FNIP1: variants seen among roughly 807,000 people sequenced by gnomAD.
FNIP1 encodes folliculin-interacting protein 1.
In FNIP1, 40 loss-of-function variants were observed where a neutral mutation model predicts 124.5. The observed-to-expected ratio is 0.32, with a 90% CI of 0.25 to 0.42. The LOEUF is 0.42. FNIP1 is among the 10% of genes least tolerant of loss of function. FNIP1 has a pLI of 1.00. For missense variants in FNIP1, 1,176 were observed against 1,403.7 expected, an observed-to-expected ratio of 0.84 and a Z score of 2.59; for synonymous variants, 472 against 470.6, an observed-to-expected ratio of 1.00 and a Z score of -0.04.
chr5:131,734,660 C>A (rs1770224376), intron 2 of FNIP1, among the ~76,000 whole-genome samples: 2 of 152,136 alleles, frequency 1.3e-5, no homozygotes, highest in African/African-American at 4.8e-5. Context: ...AGGATATGAA[C>A]AGACACCTCT....
intron 11 of FNIP1, among the ~76,000 whole-genome samples, chr5:131,693,280 T>TA (rs1455507313): frequency 8.8e-6 from 1 of 113,190 alleles, no homozygotes; most frequent in Admixed American, 9.4e-5. Flanking sequence ...AAAAGCATGG[T>TA]AATAGCTAAA....
In FNIP1 at chr5:131,651,904, C is replaced by T. The variant is rs1174167325; in HGVS notation, c.3204G>A (p.Val1068=). Residue 1068 remains valine (V), a synonymous_variant, in exon 16 of 18, where the codon GTG becomes GTA. Transcript: ENST00000510461. ...CTTCCTTTCCCAATTTATTATCTGT[C>T]ACTCGTCTCTGGCTACTGGCCACTT... The part of the protein sequence containing the change: ...TVQVASSQRR[V]TDNKLGKEVL... 2.5e-6 allele frequency: 4 copies of T among 1,614,062 alleles called. No homozygotes were observed. In the African/African-American group the frequency reaches 5.3e-5, roughly 22 times the overall value.
chr5:131,708,268 C>A (rs1010313067), intron 8 of FNIP1, among the ~76,000 whole-genome samples: 2 of 152,156 alleles, frequency 1.3e-5, no homozygotes, highest in African/African-American at 4.8e-5. Context: ...CAATATACAG[C>A]AAGTTTAGAT....
At chr5:131,694,804 G>C (rs1768633986) in intron 11 of FNIP1, among the ~76,000 whole-genome samples, 1 of 151,910 alleles carries the variant, frequency 6.6e-6, no homozygotes, top group Non-Finnish European at 1.5e-5. Context: ...TCATACTAAT[G>C]CAATACATTA....
At chr5:131,689,394 A>G (rs1242120628) in intron 11 of FNIP1, among the ~76,000 whole-genome samples, 1 of 152,214 alleles carries the variant, frequency 6.6e-6, no homozygotes, top group East Asian at 1.9e-4. Flanking sequence ...TAAATGTAAA[A>G]TAAAGTCTTT....
chr5:131,766,058 T>C (rs1017507156), intron 1 of FNIP1, among the ~76,000 whole-genome samples: 3 of 152,152 alleles, frequency 2.0e-5, no homozygotes, highest in Admixed American at 2.0e-4. Context: ...TTTTTCTAAG[T>C]CTGCAGATTA....
rs1036687893 is a variant in FNIP1 at position 131,644,474 on chromosome 5, G to T, written c.*211C>A. On this transcript the variant is annotated 3_prime_UTR_variant, in exon 18 of 18. Coordinates refer to ENST00000510461, the MANE Select transcript of FNIP1 (RefSeq NM_133372.3). ...AATTATTGTTGCTTTAATTTCATTTGTTTAAAAATCTACCACCACCCAAAA... is the reference window on the plus strand; with the variant it reads ...AATTATTGTTGCTTTAATTTCATTTTTTTAAAAATCTACCACCACCCAAAA... 5.1e-6 allele frequency: 2 copies of T among 395,418 alleles called. No individual in the cohort carries two copies. The highest frequency in any genetic ancestry group is 4.5e-6 in the Non-Finnish European group (1 of 219,826). 24.5% of individuals were successfully genotyped at this position (395,418 alleles called of 1,614,324 possible). A position where few individuals can be genotyped will look rare whatever the true frequency, so the allele number is the denominator to read the frequency against.
At position 131,796,869 on chromosome 5, in the gene FNIP1, G is replaced by A. The variant is rs1772627476; in HGVS notation, c.53C>T (p.Ala18Val). The change falls in exon 1 of 18, where the codon GCG (alanine) becomes GTG (valine). Residue 18 changes from alanine (A) to valine (V), a missense_variant. By Grantham distance (64) the Ala-to-Val change is moderately conservative. Coordinates refer to ENST00000510461, the MANE Select transcript of FNIP1 (RefSeq NM_133372.3). ...KLFSKRTGLG[A>V]PGRDARDPDC... ...TGGGTCCCGGGCGTCGCGGCCGGGC[G>A]CGCCCAGCCCGGTCCTCTTGCTGAA... 6 of 1,607,738 alleles carry A rather than the reference G, an allele frequency of 3.7e-6. No homozygotes were observed. Among genetic ancestry groups the A allele is most frequent in the Non-Finnish European group, 5.1e-6 (6 of 1,177,816 alleles).
At chr5:131,737,379 C>T (rs1770348610) in intron 2 of FNIP1, among the ~76,000 whole-genome samples, 1 of 152,126 alleles carries the variant, frequency 6.6e-6, no homozygotes, top group African/African-American at 2.4e-5. Flanking sequence ...TGTTTTTATG[C>T]TTTAGTCCTG....
At position 131,709,227 on chromosome 5, in the gene FNIP1, T is replaced by C; in HGVS notation, c.752A>G (p.Asp251Gly). The change falls in exon 8 of 18, where the codon GAC becomes GGC. Residue 251 changes from aspartate to glycine, a missense_variant. Asp to Gly is a moderately conservative substitution (Grantham distance 94, BLOSUM62 -1). Around this residue, in one of 2 missense-constraint regions of FNIP1, gnomAD observed 1,109 missense variants for 1,288.5 expected, o/e 0.86. Transcript: ENST00000510461. ...MDMPGRELNEDRDSGIARSAS... is the reference protein window; with the variant it reads ...MDMPGRELNEGRDSGIARSAS... Reference sequence around the variant, plus strand: ...AGACCGTGCTATGCCACTGTCTCTGTCCTCATTGAGCTCTCTTCCAGGCAT... The same window carrying C: ...AGACCGTGCTATGCCACTGTCTCTGCCCTCATTGAGCTCTCTTCCAGGCAT... 6.2e-7 allele frequency: 1 copy of C among 1,614,090 alleles called. No homozygotes were observed. The highest frequency in any genetic ancestry group is 8.5e-7 in the Non-Finnish European group (1 of 1,179,958).
chr5:131,736,672 A>G (rs1438372536), intron 2 of FNIP1, among the ~76,000 whole-genome samples: 1 of 152,260 alleles, frequency 6.6e-6, no homozygotes, highest in Non-Finnish European at 1.5e-5. Context: ...ATCTATCTCT[A>G]AAGAGATACA....
chr5:131,704,937 G>A (rs1212985020), intron 9 of FNIP1, among the ~76,000 whole-genome samples: 1 of 151,796 alleles, frequency 6.6e-6, no homozygotes, highest in Non-Finnish European at 1.5e-5. Context: ...AAAATAAACT[G>A]GACTACATAC....
At chr5:131,786,353 A>G (rs1184921189) in intron 1 of FNIP1, among the ~76,000 whole-genome samples, 1 of 152,254 alleles carries the variant, frequency 6.6e-6, no homozygotes, top group Non-Finnish European at 1.5e-5. Flanking sequence ...AATGCAATTA[A>G]AACACAAGCA....
chr5:131,708,977 T>C (rs1769204507), intron 8 of FNIP1, among the ~76,000 whole-genome samples: 1 of 152,156 alleles, frequency 6.6e-6, no homozygotes, highest in Non-Finnish European at 1.5e-5. Flanking sequence ...TCAACCAGTG[T>C]ACTTTACTCT....
At chr5:131,729,503 A>G (rs1770003217) in intron 3 of FNIP1, among the ~76,000 whole-genome samples, 1 of 152,094 alleles carries the variant, frequency 6.6e-6, no homozygotes, top group South Asian at 2.1e-4. Flanking sequence ...TGCAGAAATC[A>G]CCCGCCTTCT....
At chr5:131,768,519 T>C (rs563578019) in intron 1 of FNIP1, among the ~76,000 whole-genome samples, 1 of 151,356 alleles carries the variant, frequency 6.6e-6, no homozygotes, top group Non-Finnish European at 1.5e-5. Context: ...TTATTTAAAA[T>C]AAAAAAACAG....
chr5:131,668,472 G>A (rs1307366664), intron 15 of FNIP1, among the ~76,000 whole-genome samples: 1 of 152,158 alleles, frequency 6.6e-6, no homozygotes, highest in Non-Finnish European at 1.5e-5. Context: ...GATCACCTGA[G>A]GTCGGAGTTC....
intron 11 of FNIP1, among the ~76,000 whole-genome samples, chr5:131,692,007 G>A (rs1768496377): frequency 6.6e-6 from 1 of 151,924 alleles, no homozygotes. Context: ...GGAAGTTATA[G>A]CTAGGGCTGT....
At chr5:131,716,517 TA>T in intron 6 of FNIP1, 47 bp downstream of exon 6, 1 of 1,274,676 alleles carries the variant, frequency 7.8e-7, no homozygotes, top group Non-Finnish European at 1.1e-6. Context: ...AAACACTTGT[TA>T]CCCTGCTAGT....
Sources: allele counts gnomAD v4.1 joint callset (sites outside exome capture counted in the v4.1 genomes callset), GRCh38; gene constraint gnomAD v4.1.1; regional missense constraint gnomAD v4.1.1; transcripts MANE v1.5; gene names NCBI Gene and HGNC (gene_info 2026-07-23, HGNC 2026-07-21).